PCDHGA3: variants seen among roughly 807,000 people sequenced by gnomAD.
PCDHGA3 encodes protocadherin gamma subfamily A, 3, also known as protocadherin gamma-A3.
A neutral mutation model predicts 58.5 loss-of-function variants in PCDHGA3; 40 were observed. The observed-to-expected ratio is 0.68, with a 90% CI of 0.53 to 0.89. PCDHGA3 has a LOEUF of 0.89. Ranked by LOEUF, PCDHGA3 falls within the 40% of genes least tolerant of loss-of-function variation. The pLI, the probability that PCDHGA3 is intolerant of heterozygous loss-of-function variation, is 0.00. For synonymous variants in PCDHGA3, 530 were observed against 525.7 expected, an observed-to-expected ratio of 1.01 and a Z score of -0.11; for missense variants, 1,223 against 1,195.9, an observed-to-expected ratio of 1.02 and a Z score of -0.33.
intron 1 of PCDHGA3, chr5:141,374,248 G>A (rs1259243407): frequency 1.9e-6 from 3 of 1,613,890 alleles, no homozygotes. Context: ...TGGGACTGGA[G>A]CCCCAGGAGT....
rs754140602 is a variant in PCDHGA3 at position 141,410,043 on chromosome 5, C to G, written c.2424+63586C>G. Reference sequence around the variant, plus strand: ...TACCACGTGCTGCAGGCCAGTGAGCCCGGACTCTTCAGCCTGGGGCTGCGC... The same window carrying G: ...TACCACGTGCTGCAGGCCAGTGAGCGCGGACTCTTCAGCCTGGGGCTGCGC... On this transcript the variant is annotated intron_variant, in intron 1 of 3. Transcript: ENST00000253812. 13 of 1,613,080 alleles carry G rather than the reference C, an allele frequency of 8.1e-6. No homozygotes were observed. The South Asian group carries it at 1.2e-4, about 15-fold the overall frequency.
chr5:141,372,791 T>C, intron 1 of PCDHGA3: 2 of 1,600,738 alleles, frequency 1.2e-6, no homozygotes, highest in Non-Finnish European at 8.5e-7. Flanking sequence ...TGCCTTCTAA[T>C]TCAGGCAATT....
chr5:141,347,082 TCCTC>T (rs1561493201), intron 1 of PCDHGA3, among the ~76,000 whole-genome samples: 16 of 149,544 alleles, frequency 1.1e-4, no homozygotes, highest in Admixed American at 9.9e-4. Flanking sequence ...TCTCTCTCTT[TCCTC>T]CTTCCTTCCT....
Position 141,432,617 on chromosome 5 carries a change from G to T in PCDHGA3, c.2425-62190G>T, listed in dbSNP as rs2097521313. The T allele has an allele frequency of 6.2e-7, 1 of 1,613,578 alleles. No homozygotes were observed. The highest frequency in any genetic ancestry group is 1.3e-5 in the African/African-American group (1 of 74,842). On this transcript the variant is annotated intron_variant, in intron 1 of 3. Coordinates refer to ENST00000253812, the MANE Select transcript of PCDHGA3 (RefSeq NM_018916.4). This position sits in a 1 kb window ranked among gnomAD's most constrained non-coding sequence, Gnocchi z 6.0. ...CAGCGAGCCGGGACTCTTCTCGGTGGGTCTGCACACGGGCGAGGTGCGCAC... is the reference window on the plus strand; with the variant it reads ...CAGCGAGCCGGGACTCTTCTCGGTGTGTCTGCACACGGGCGAGGTGCGCAC...
intron 1 of PCDHGA3, among the ~76,000 whole-genome samples, chr5:141,401,937 T>A (rs531669581): frequency 2.6e-5 from 4 of 152,356 alleles, no homozygotes; most frequent in African/African-American, 7.2e-5. Flanking sequence ...TAGAATAATG[T>A]TTAAGACCAC....
chr5:141,346,997 TCTCCTTCCTTCCTTCCTCTCTCTTTC>T (rs1757838910), intron 1 of PCDHGA3, among the ~76,000 whole-genome samples: 1 of 151,470 alleles, frequency 6.6e-6, no homozygotes, highest in Non-Finnish European at 1.5e-5. Flanking sequence ...TTTTTTTCTT[TCTCCTTCCTTCCTTCCTCTCTCTTTC>T]CTCCTTCCTT....
intron 1 of PCDHGA3, among the ~76,000 whole-genome samples, chr5:141,475,518 T>C (rs963473660): frequency 1.3e-5 from 2 of 152,356 alleles, no homozygotes; most frequent in East Asian, 1.9e-4. Flanking sequence ...TCCACGGAAA[T>C]GCTAAATGCC....
rs780241180 is a variant in PCDHGA3, at chr5:141,490,819, C to A, written c.2425-3988C>A. On this transcript the variant is annotated intron_variant, in intron 1 of 3. Transcript: ENST00000253812. The surrounding 1 kb of genome is among the most constrained non-coding windows in gnomAD (Gnocchi z 5.4). ...CCAGCGTACCTTTGACTATGAATTGCTGCAGATGCTGCAGATTGTGGTGGG... is the reference window on the plus strand; with the variant it reads ...CCAGCGTACCTTTGACTATGAATTGATGCAGATGCTGCAGATTGTGGTGGG... 3 of 1,613,842 alleles carry A rather than the reference C, an allele frequency of 1.9e-6. No individual in the cohort carries two copies. The highest frequency in any genetic ancestry group is 2.5e-6 in the Non-Finnish European group (3 of 1,179,804).
chr5:141,496,146 G>T (rs749790409), intron 2 of PCDHGA3, among the ~76,000 whole-genome samples: 1 of 151,170 alleles, frequency 6.6e-6, no homozygotes, highest in South Asian at 2.1e-4. Flanking sequence ...GCCTTTGATC[G>T]CAGCTCTCCA....
intron 1 of PCDHGA3, among the ~76,000 whole-genome samples, chr5:141,472,889 G>A (rs1163806093): frequency 6.6e-6 from 1 of 151,392 alleles, no homozygotes; most frequent in Non-Finnish European, 1.5e-5. Context: ...GGGAGGCTGA[G>A]GCAGGAGAAT....
intron 1 of PCDHGA3, chr5:141,365,029 C>T (rs1361601199): frequency 6.8e-6 from 11 of 1,613,864 alleles, no homozygotes; most frequent in Non-Finnish European, 9.3e-6. Context: ...TTACGGTCCT[C>T]GACGCAAACG....
Position 141,344,118 on chromosome 5 carries a change from G to C in PCDHGA3, c.85G>C (p.Gly29Arg). 1 of 1,613,992 alleles carries C rather than the reference G, an allele frequency of 6.2e-7. No homozygotes were observed. The change falls in exon 1 of 4, where the codon GGT (glycine) becomes CGT (arginine). Residue 29 changes from glycine (G) to arginine (R), a missense_variant. By Grantham distance (125) the Gly-to-Arg change is moderately radical (BLOSUM62 -2). Around this residue, in one of 3 missense-constraint regions of PCDHGA3, gnomAD observed 791 missense variants for 708.5 expected, o/e 1.12. Coordinates refer to ENST00000253812, the MANE Select transcript of PCDHGA3 (RefSeq NM_018916.4). ...GGGGACGCTGTGCGAAACAGGATCCGGTCAGATCCGCTACTCGGTGTCTGA... is the reference window on the plus strand; with the variant it reads ...GGGGACGCTGTGCGAAACAGGATCCCGTCAGATCCGCTACTCGGTGTCTGA... ...LLGTLCETGS[G>R]QIRYSVSEEL...
At chr5:141,419,259 CG>C in intron 1 of PCDHGA3, 1 of 1,614,016 alleles carries the variant, frequency 6.2e-7, no homozygotes, top group Non-Finnish European at 8.5e-7. Context: ...AACAACCAGC[CG>C]GGTGCCTCCA....
At position 141,477,131 on chromosome 5, in the gene PCDHGA3, TTGG is replaced by T; in HGVS notation, c.2425-17672_2425-17670del. 1 of 1,614,130 alleles carries T rather than the reference TTGG, an allele frequency of 6.2e-7. No individual in the cohort carries two copies. The highest frequency in any genetic ancestry group is 8.5e-7 in the Non-Finnish European group (1 of 1,180,014). On this transcript the variant is annotated intron_variant, in intron 1 of 3. Transcript: ENST00000253812. The surrounding 1 kb of genome is among the most constrained non-coding windows in gnomAD (Gnocchi z 4.9). The stretch of plus-strand genomic sequence containing the variant: ...TCCCGAAGGAGCACATTGCAAAGTG[TTGG>T]TGGAGGTTGTGGATGTGAATGACAA...
At chr5:141,382,654 A>G in intron 1 of PCDHGA3, 1 of 413,618 alleles carries the variant, frequency 2.4e-6, no homozygotes, top group Non-Finnish European at 4.3e-6. Flanking sequence ...CTTAGTAAGG[A>G]CTCACAGCGC....
At chr5:141,391,973 G>A (rs1461017619) in intron 1 of PCDHGA3, 2 of 152,056 alleles carry the variant, frequency 1.3e-5, no homozygotes, top group Non-Finnish European at 2.9e-5. Context: ...AAATAAAATA[G>A]CAAAACAATG....
At chr5:141,372,063 G>C (rs571325193) in intron 1 of PCDHGA3, 20 of 1,613,430 alleles carry the variant, frequency 1.2e-5, no homozygotes, top group East Asian at 2.2e-5. Flanking sequence ...CGACCGCAAC[G>C]ACAATGCACC....
Position 141,437,485 on chromosome 5 carries a change from C to T in PCDHGA3, c.2425-57322C>T, listed in dbSNP as rs372023505. The stretch of plus-strand genomic sequence containing the variant: ...TATACTTTTATAGCATATTTAATCT[C>T]GTAGATCACTTTTCAATGAATTATA... On this transcript the variant is annotated intron_variant, in intron 1 of 3. Transcript: ENST00000253812. Among the ~76,000 whole-genome samples, 16 of 152,188 alleles carry T rather than the reference C, an allele frequency of 1.1e-4. No individual in the cohort carries two copies. In the East Asian group the frequency reaches 2.9e-3, roughly 28 times the overall value.
chr5:141,506,760 G>A (rs1018086132), intron 3 of PCDHGA3, among the ~76,000 whole-genome samples: 1 of 152,128 alleles, frequency 6.6e-6, no homozygotes, highest in Non-Finnish European at 1.5e-5. Context: ...CTAGCTTCTG[G>A]AGCAGCAAAT....
Sources: allele counts gnomAD v4.1 joint callset (sites outside exome capture counted in the v4.1 genomes callset), GRCh38; gene constraint gnomAD v4.1.1; regional missense constraint gnomAD v4.1.1; non-coding constraint Gnocchi (gnomAD v3.1); transcripts MANE v1.5; gene names NCBI Gene and HGNC (gene_info 2026-07-23, HGNC 2026-07-21).